LGR4: variants seen among roughly 807,000 people sequenced by gnomAD.
LGR4 encodes the protein leucine rich repeat containing G protein-coupled receptor 4, also known as leucine-rich repeat-containing G protein-coupled receptor 4.
LGR4 carries 44 observed loss-of-function variants against 84.8 expected under a neutral mutation model. The observed-to-expected ratio is 0.52, with a 90% CI of 0.41 to 0.67. The LOEUF (loss-of-function observed/expected upper bound fraction) is 0.67, where lower values mean the gene tolerates loss of function less well. Ranked by LOEUF, LGR4 falls within the 30% of genes least tolerant of loss-of-function variation. LGR4 has a pLI of 0.00. For synonymous variants in LGR4, 429 were observed against 434.3 expected, an observed-to-expected ratio of 0.99 and a Z score of 0.15; for missense variants, 1,032 against 1,131.4, an observed-to-expected ratio of 0.91 and a Z score of 1.26.
chr11:27,384,423 A>G lies in LGR4; in HGVS notation c.618-16T>C. On this transcript the variant is annotated splice_polypyrimidine_tract_variant and intron_variant, in intron 5 of 17. Transcript: ENST00000379214. ...ATGAAGATGCCTAAGGGGGAAAAAAAGCATAAAATGACTTTTCCATCTCCC... is the reference window on the plus strand; with the variant it reads ...ATGAAGATGCCTAAGGGGGAAAAAAGGCATAAAATGACTTTTCCATCTCCC... The G allele has an allele frequency of 6.3e-7, 1 of 1,579,346 alleles. No individual in the cohort carries two copies. The highest frequency in any genetic ancestry group is 1.7e-4 in the Middle Eastern group (1 of 5,864).
chr11:27,380,334 A>G lies in LGR4; in HGVS notation c.908T>C (p.Ile303Thr), dbSNP rs756007479. The G allele has an allele frequency of 1.9e-6, 3 of 1,604,238 alleles. No individual in the cohort carries two copies. The highest frequency in any genetic ancestry group is 8.5e-7 in the Non-Finnish European group (1 of 1,174,962). The change falls in exon 10 of 18, where the codon ATT (isoleucine) becomes ACT (threonine). Residue 303 changes from isoleucine to threonine, a missense_variant. Physicochemically the swap from Ile to Thr is moderately conservative, Grantham distance 89. Transcript: ENST00000379214. ...HNLSDLHSLV[I>T]RGASMVQQFP... ...CTGCTGCACCATGCTTGCACCACGA[A>G]TGACTCTTTATGAAATTGAGAAAGA...
At chr11:27,392,096 T>C (rs906543824) in intron 3 of LGR4, among the ~76,000 whole-genome samples, 1 of 152,156 alleles carries the variant, frequency 6.6e-6, no homozygotes, top group East Asian at 1.9e-4. Flanking sequence ...TTTTCCCTTT[T>C]AGAGTCAGGT....
At chr11:27,445,449 T>C (rs1267528332) in intron 1 of LGR4, among the ~76,000 whole-genome samples, 3 of 152,216 alleles carry the variant, frequency 2.0e-5, no homozygotes, top group East Asian at 3.8e-4. Flanking sequence ...ACAGCTGTTA[T>C]GACGATCAAG....
chr11:27,457,970 T>TA (rs1227896763), intron 1 of LGR4, among the ~76,000 whole-genome samples: 69 of 148,940 alleles, frequency 4.6e-4, no homozygotes, highest in African/African-American at 1.5e-3. Flanking sequence ...CTGCAAAAAT[T>TA]AAAAAAAAAA....
intron 1 of LGR4, among the ~76,000 whole-genome samples, chr11:27,418,957 C>T (rs1164407518): frequency 6.6e-6 from 1 of 151,610 alleles, no homozygotes; most frequent in Non-Finnish European, 1.5e-5. Flanking sequence ...ACCTCAGCTT[C>T]CCAAGTGGCT....
chr11:27,454,772 A>G (rs1215584995), intron 1 of LGR4, among the ~76,000 whole-genome samples: 4 of 151,968 alleles, frequency 2.6e-5, no homozygotes, highest in African/African-American at 9.7e-5. Flanking sequence ...AAAAAAAAAA[A>G]AAAAAGCAAA....
At chr11:27,444,044 T>C (rs4074516) in intron 1 of LGR4, among the ~76,000 whole-genome samples, 52,605 of 151,804 alleles carry the variant, frequency 0.35, 10,600 homozygotes, top group South Asian at 0.52. Flanking sequence ...AAAGCACCCC[T>C]ACAGGCTTTT....
At chr11:27,374,197 T>G (rs189746289) in intron 13 of LGR4, 151 bp from the exon 14 acceptor site, 1 of 650,808 alleles carries the variant, frequency 1.5e-6, no homozygotes, top group African/African-American at 1.8e-5. Flanking sequence ...TTTTTCATGT[T>G]TATGTTGAAT....
At chr11:27,372,254 G>T in intron 16 of LGR4, 29 bp downstream of exon 16, 1 of 1,224,394 alleles carries the variant, frequency 8.2e-7, no homozygotes, top group Non-Finnish European at 1.2e-6. Flanking sequence ...TTAAAGGAGT[G>T]TTCTATTTTT....
At chr11:27,457,840 A>G (rs2133450947) in intron 1 of LGR4, among the ~76,000 whole-genome samples, 1 of 152,282 alleles carries the variant, frequency 6.6e-6, no homozygotes, top group East Asian at 1.9e-4. Context: ...AATGAAAATG[A>G]GTACTGGCCA....
At chr11:27,438,327 A>AT (rs1474364172) in intron 1 of LGR4, among the ~76,000 whole-genome samples, 1 of 152,222 alleles carries the variant, frequency 6.6e-6, no homozygotes, top group Admixed American at 6.5e-5. Flanking sequence ...TGAAAAATGT[A>AT]TAGCAATAGT....
intron 1 of LGR4, among the ~76,000 whole-genome samples, chr11:27,453,792 C>G (rs1864526095): frequency 6.6e-6 from 1 of 152,032 alleles, no homozygotes; most frequent in African/African-American, 2.4e-5. Context: ...TTCTGTAAAC[C>G]AAAAATAAAA....
At chr11:27,436,204 C>T (rs11030005) in intron 1 of LGR4, among the ~76,000 whole-genome samples, 7,132 of 151,516 alleles carry the variant, frequency 0.047, 199 homozygotes, top group Non-Finnish European at 0.074. Context: ...AGCCACTGCT[C>T]CTGGCCAAAT....
intron 1 of LGR4, among the ~76,000 whole-genome samples, chr11:27,423,223 G>T (rs1380677288): frequency 6.6e-6 from 1 of 152,216 alleles, no homozygotes; most frequent in African/African-American, 2.4e-5. Context: ...AACAGCTCCA[G>T]TTTCTAAGAC....
chr11:27,434,804 AAAC>A (rs1287746403), intron 1 of LGR4, among the ~76,000 whole-genome samples: 1 of 152,066 alleles, frequency 6.6e-6, no homozygotes, highest in Non-Finnish European at 1.5e-5. Context: ...CACATTTATA[AAAC>A]AACTCCATCA....
At chr11:27,392,728 A>G (rs1174863550) in intron 2 of LGR4, among the ~76,000 whole-genome samples, 1 of 152,104 alleles carries the variant, frequency 6.6e-6, no homozygotes, top group Admixed American at 6.6e-5. Flanking sequence ...TTTAAGTCCC[A>G]ATACAATAAT....
chr11:27,463,988 G>A (rs1352072813), intron 1 of LGR4, among the ~76,000 whole-genome samples: 1 of 152,166 alleles, frequency 6.6e-6, no homozygotes, highest in Non-Finnish European at 1.5e-5. Context: ...AATTAATTTA[G>A]TACCTAAAAC....
intron 1 of LGR4, among the ~76,000 whole-genome samples, chr11:27,432,336 A>C (rs1864129577): frequency 6.6e-6 from 1 of 152,222 alleles, no homozygotes; most frequent in Non-Finnish European, 1.5e-5. Flanking sequence ...TTAACAAATT[A>C]GACATTTCCT....
rs755976410 is a variant in LGR4 at position 27,392,398 on chromosome 11, G to A, written c.329+49C>T. On this transcript the variant is annotated intron_variant, in intron 3 of 17. Transcript: ENST00000379214. ...TAGTTCCAAGCATGTTGACTACGCA[G>A]AAAGAAAATACACAGCCAGCTGTGA... 3 of 1,412,140 alleles carry A rather than the reference G, an allele frequency of 2.1e-6. No homozygotes were observed. The African/African-American group carries it at 4.4e-5, about 21-fold the overall frequency. The allele number at this position is 1,412,140 out of a possible 1,614,324, so 87.5% of individuals were successfully genotyped here. A position where few individuals can be genotyped will look rare whatever the true frequency, so the allele number is the denominator to read the frequency against.
Sources: gnomAD v4.1 joint callset for allele counts (sites outside exome capture counted in the v4.1 genomes callset) on GRCh38, gnomAD v4.1.1 for gene constraint, MANE v1.5 for transcripts, NCBI Gene and HGNC (gene_info 2026-07-23, HGNC 2026-07-21) for gene names.